The following SLC26A8 variants were observed in gnomAD, a reference collection of about 807,000 sequenced individuals.
SLC26A8 encodes the protein testis anion transporter 1.
A neutral mutation model predicts 105.0 loss-of-function variants in SLC26A8; 70 were observed. That is an observed-to-expected ratio of 0.67 (90% CI 0.55 to 0.81). The LOEUF (loss-of-function observed/expected upper bound fraction) is 0.81, where lower values mean the gene tolerates loss of function less well. Among genes scored for constraint, SLC26A8 ranks in the 40% least tolerant of loss-of-function variants. The pLI is 0.00. For synonymous variants in SLC26A8, 415 were observed against 438.3 expected (o/e 0.95, Z 0.66); for missense variants, 998 against 1,181.8 (o/e 0.84, Z 2.28).
intron 7 of SLC26A8, among the ~76,000 whole-genome samples, chr6:35,982,522 A>G (rs891785241): frequency 6.6e-6 from 1 of 152,144 alleles, no homozygotes; most frequent in Non-Finnish European, 1.5e-5. Flanking sequence ...TTAATATTTA[A>G]TATATTTGAA....
intron 7 of SLC26A8, among the ~76,000 whole-genome samples, 178 bp downstream of exon 7, chr6:35,991,481 T>A (rs1475444203): frequency 6.6e-6 from 1 of 151,938 alleles, no homozygotes; most frequent in Non-Finnish European, 1.5e-5. Flanking sequence ...ATAGATTCAA[T>A]TTTTAGTTGT....
intron 11 of SLC26A8, among the ~76,000 whole-genome samples, chr6:35,968,609 GTATATATATATATATATATA>G (rs55987809): frequency 2.3e-4 from 14 of 60,072 alleles, no homozygotes; most frequent in East Asian, 7.2e-4. Context: ...GTGTGTGTGT[GTATATATATATATATATATA>G]TATATATATA....
chr6:36,015,472 G>A (rs1044333664), intron 2 of SLC26A8, among the ~76,000 whole-genome samples: 1 of 152,198 alleles, frequency 6.6e-6, no homozygotes, highest in African/African-American at 2.4e-5. Context: ...GAAGTGGAGA[G>A]AATTGTATGT....
intron 16 of SLC26A8, among the ~76,000 whole-genome samples, chr6:35,957,975 T>C (rs1355702044): frequency 6.6e-6 from 1 of 152,150 alleles, no homozygotes; most frequent in Non-Finnish European, 1.5e-5. Context: ...CCCTCATGTG[T>C]TATCTGCCTG....
chr6:35,989,522 C>CTCTCTTTGTAGTA (rs1773667440), intron 7 of SLC26A8: 1 of 152,160 alleles, frequency 6.6e-6, no homozygotes, highest in African/African-American at 2.4e-5. Flanking sequence ...TCTAGTATCT[C>CTCTCTTTGTAGTA]TCTCTACTTT....
chr6:35,971,719 A>G (rs577910935), intron 10 of SLC26A8, among the ~76,000 whole-genome samples: 9 of 152,348 alleles, frequency 5.9e-5, no homozygotes, highest in Admixed American at 4.6e-4. Flanking sequence ...TCCCCTGACC[A>G]TCTGACTCCA....
At chr6:35,977,828 C>T (rs1443376680) in intron 8 of SLC26A8, among the ~76,000 whole-genome samples, 3 of 152,024 alleles carry the variant, frequency 2.0e-5, no homozygotes, top group African/African-American at 7.3e-5. Flanking sequence ...CTCACGCCTG[C>T]AATCCCAGCA....
rs555061679 is a variant in SLC26A8, at chr6:36,006,174, C to G, written c.328+6059G>C. On this transcript the variant is annotated intron_variant, in intron 3 of 19. Coordinates refer to ENST00000490799, the MANE Select transcript of SLC26A8 (RefSeq NM_052961.4). ...TCGCTCTGTTACCCAGGCTGGAATGCAGTGGTGTGATCTCAGTTTACTGCA... is the reference window on the plus strand; with the variant it reads ...TCGCTCTGTTACCCAGGCTGGAATGGAGTGGTGTGATCTCAGTTTACTGCA... Among the ~76,000 whole-genome samples, 982 of 152,132 alleles carry G rather than the reference C, an allele frequency of 6.5e-3. 3 individuals carry two copies. Among genetic ancestry groups the G allele is most frequent in the East Asian group, 0.011 (59 of 5,180 alleles).
chr6:35,994,609 T>C (rs1357460452), intron 5 of SLC26A8, among the ~76,000 whole-genome samples: 1 of 145,720 alleles, frequency 6.9e-6, no homozygotes, highest in African/African-American at 2.5e-5. Flanking sequence ...GGAGTCTTGC[T>C]CTGTCACCCA....
rs146270318 is a variant in SLC26A8 at position 35,991,881 on chromosome 6, A to G, written c.793-73T>C. 58 of 1,396,594 alleles carry G rather than the reference A, an allele frequency of 4.2e-5. 2 individuals carry two copies. Among genetic ancestry groups the G allele is most frequent in the East Asian group, 1.3e-4 (5 of 39,286 alleles). The allele number at this position is 1,396,594 out of a possible 1,614,324, so 86.5% of individuals were successfully genotyped here. On this transcript the variant is annotated intron_variant, in intron 6 of 19. Coordinates refer to ENST00000490799, the MANE Select transcript of SLC26A8 (RefSeq NM_052961.4). ...GCCTAAGTCTAGAAATTGACACTGT[A>G]GATTAACCCAAAAAGAAGTCCCCAA... is the stretch of plus-strand genomic sequence containing the variant.
intron 9 of SLC26A8, 120 bp downstream of exon 9, chr6:35,977,084 A>T: frequency 9.1e-7 from 1 of 1,101,076 alleles, no homozygotes; most frequent in Non-Finnish European, 1.3e-6. Flanking sequence ...CTTTGTGATT[A>T]CTGTCCAAAC....
intron 12 of SLC26A8, among the ~76,000 whole-genome samples, chr6:35,961,404 T>C (rs1772303463): frequency 6.6e-6 from 1 of 152,232 alleles, no homozygotes; most frequent in South Asian, 2.1e-4. Flanking sequence ...GAATACCATT[T>C]GCAAAGCCAA....
Position 35,992,548 on chromosome 6 carries a change from T to C in SLC26A8, c.754A>G (p.Met252Val), listed in dbSNP as rs1761202475. ...LSQLTFIFGIMISFHAGPISF... is the reference protein window; with the variant it reads ...LSQLTFIFGIVISFHAGPISF... ...ATGGGACCGGCATGGAAACTAATCA[T>C]AATCCCAAAGATGAAAGTCAGCTGG... Residue 252 changes from methionine (M) to valine (V), a missense_variant, in exon 6 of 20, where the codon ATG becomes GTG. By Grantham distance (21) the Met-to-Val change is conservative (BLOSUM62 1). Transcript: ENST00000490799. 1.2e-6 allele frequency: 2 copies of C among 1,613,824 alleles called. No homozygotes were observed. The highest frequency in any genetic ancestry group is 1.1e-5 in the South Asian group (1 of 91,070).
At chr6:35,984,651 A>G (rs796298707) in intron 7 of SLC26A8, among the ~76,000 whole-genome samples, 3 of 152,262 alleles carry the variant, frequency 2.0e-5, no homozygotes, top group African/African-American at 7.2e-5. Flanking sequence ...ACTGTGGCTC[A>G]CAAACCAATC....
At chr6:35,973,549 C>T (rs537978154) in intron 10 of SLC26A8, among the ~76,000 whole-genome samples, 1 of 151,696 alleles carries the variant, frequency 6.6e-6, no homozygotes, top group African/African-American at 2.4e-5. Context: ...AATATTTTAG[C>T]GATTTTTTTT....
intron 1 of SLC26A8, among the ~76,000 whole-genome samples, chr6:36,022,215 C>T (rs1762144608): frequency 6.6e-6 from 1 of 152,146 alleles, no homozygotes; most frequent in South Asian, 2.1e-4. Context: ...GATCCTCCCG[C>T]CTCGGCCTCC....
chr6:35,975,370 C>T lies in SLC26A8; in HGVS notation c.1287+5G>A, dbSNP rs761570555. 2.0e-6 allele frequency: 3 copies of T among 1,529,512 alleles called. No homozygotes were observed. Among genetic ancestry groups the T allele is most frequent in the Non-Finnish European group, 2.7e-6 (3 of 1,107,584 alleles). The allele number at this position is 1,529,512 out of a possible 1,614,324, so 94.7% of individuals were successfully genotyped here. On this transcript the variant is annotated splice_donor_5th_base_variant and intron_variant, in intron 10 of 19. Coordinates refer to ENST00000490799, the MANE Select transcript of SLC26A8 (RefSeq NM_052961.4). ...TATTAGAGATCAAATTGTATTTCAA[C>T]ATACCTGTTGTCTTCCTCCAGATTT...
At chr6:36,020,810 C>T (rs1453771891) in intron 1 of SLC26A8, among the ~76,000 whole-genome samples, 1 of 152,150 alleles carries the variant, frequency 6.6e-6, no homozygotes, top group Non-Finnish European at 1.5e-5. Flanking sequence ...GTATAAACCA[C>T]ATACCTATAA....
At position 35,955,268 on chromosome 6, in the gene SLC26A8, TCCC is replaced by T. The variant is rs750571500; in HGVS notation, c.2113_2115del (p.Gly705del). 43 of 1,614,042 alleles carry T rather than the reference TCCC, an allele frequency of 2.7e-5. No individual in the cohort carries two copies. The highest frequency in any genetic ancestry group is 8.3e-5 in the Admixed American group (5 of 60,004). On this transcript the variant is annotated inframe_deletion, in exon 17 of 20. Transcript: ENST00000490799. ...TCTGAGTAAGGGATGAGTGATCTCCTCCCCTGGCTTTCCGCCACATCAGGCAGT... is the reference window on the plus strand; with the variant it reads ...TCTGAGTAAGGGATGAGTGATCTCCTCTGGCTTTCCGCCACATCAGGCAGT...
Sources: allele counts gnomAD v4.1 joint callset (sites outside exome capture counted in the v4.1 genomes callset), GRCh38; gene constraint gnomAD v4.1.1; transcripts MANE v1.5; gene names NCBI Gene and HGNC (gene_info 2026-07-23, HGNC 2026-07-21).